Variants in TNC observed in about 807,000 individuals in gnomAD.
TNC encodes the protein tenascin.
In TNC, 109 loss-of-function variants were observed where a neutral mutation model predicts 202.4. That is an observed-to-expected ratio of 0.54 (90% CI 0.46 to 0.63). The LOEUF is 0.63. Ranked by LOEUF, TNC falls within the 30% of genes least tolerant of loss-of-function variation. TNC has a pLI of 0.00. For missense variants in TNC, 2,756 were observed against 2,833.3 expected (o/e 0.97, Z 0.62); for synonymous variants, 1,007 against 1,089.7 (o/e 0.92, Z 1.50).
intron 17 of TNC, among the ~76,000 whole-genome samples, chr9:115,045,185 T>C (rs1307748025): frequency 6.6e-6 from 1 of 152,178 alleles, no homozygotes; most frequent in African/African-American, 2.4e-5. Context: ...CCTGGTGATT[T>C]TGTGGTTCTG....
At chr9:115,098,938 ATTTT>A (rs35624621) in intron 1 of TNC, among the ~76,000 whole-genome samples, 1,484 of 127,330 alleles carry the variant, frequency 0.012, 29 homozygotes, top group African/African-American at 0.036. Flanking sequence ...TTAAGTGTGT[ATTTT>A]TTTTTTTTTT....
chr9:115,081,246 C>G (rs1191155866), intron 6 of TNC, among the ~76,000 whole-genome samples: 1 of 152,158 alleles, frequency 6.6e-6, no homozygotes, highest in Non-Finnish European at 1.5e-5. Flanking sequence ...TAATATTAAA[C>G]TAGTGACATG....
intron 1 of TNC, among the ~76,000 whole-genome samples, chr9:115,117,216 A>G (rs1837533586): frequency 6.6e-6 from 1 of 152,090 alleles, no homozygotes; most frequent in African/African-American, 2.4e-5. Flanking sequence ...GGTGAGAAGA[A>G]CCCCTGTGTT....
At chr9:115,107,097 T>C (rs572235415) in intron 1 of TNC, among the ~76,000 whole-genome samples, 2 of 152,240 alleles carry the variant, frequency 1.3e-5, no homozygotes, top group African/African-American at 4.8e-5. Flanking sequence ...TCTGCTTCAA[T>C]CTCTATATAC....
At chr9:115,057,446 G>A (rs1258339223) in intron 14 of TNC, 21 bp from the exon 15 acceptor site, 2 of 1,563,522 alleles carry the variant, frequency 1.3e-6, no homozygotes, top group African/African-American at 2.8e-5. Context: ...AAGGGGTAGG[G>A]GAGAAGAAAA....
intron 1 of TNC, among the ~76,000 whole-genome samples, chr9:115,091,777 C>G (rs1471519752): frequency 1.3e-5 from 2 of 152,236 alleles, no homozygotes; most frequent in African/African-American, 2.4e-5. Flanking sequence ...GAGCTTCTTA[C>G]TAGTTATATG....
At chr9:115,114,987 A>G (rs968284091) in intron 1 of TNC, 1 of 152,148 alleles carries the variant, frequency 6.6e-6, no homozygotes, top group African/African-American at 2.4e-5. Flanking sequence ...GAGCCAACTA[A>G]ATGTTTGCAA....
At chr9:115,066,219 A>G (rs1832941387) in intron 10 of TNC, among the ~76,000 whole-genome samples, 1 of 152,142 alleles carries the variant, frequency 6.6e-6, no homozygotes, top group Admixed American at 6.5e-5. Context: ...ATTCCGTAAA[A>G]ACTCACTGGT....
Position 115,090,862 on chromosome 9 carries a change from C to A in TNC, c.157G>T (p.Val53Phe). 6.2e-7 allele frequency: 1 copy of A among 1,614,210 alleles called. No individual in the cohort carries two copies. The highest frequency in any genetic ancestry group is 8.5e-7 in the Non-Finnish European group (1 of 1,180,042). ...EENQPVVFNHVYNIKLPVGSQ... is the reference protein window; with the variant it reads ...EENQPVVFNHFYNIKLPVGSQ... ...CCCACTGGCAGCTTGATGTTGTAAA[C>A]GTGGTTAAACACCACTGGCTGGTTC... The change falls in exon 2 of 28, where the codon GTT becomes TTT. Residue 53 changes from valine to phenylalanine, a missense_variant. Around this residue, in one of 2 missense-constraint regions of TNC, gnomAD observed 2,559 missense variants for 2,546.0 expected, o/e 1.01. Transcript: ENST00000350763.
At position 115,021,364 on chromosome 9, in the gene TNC, A is replaced by G. The variant is rs1273385324; in HGVS notation, c.6496-97T>C. 3.8e-6 allele frequency: 3 copies of G among 786,064 alleles called. No homozygotes were observed. In the African/African-American group the frequency reaches 5.2e-5, roughly 14 times the overall value. 48.7% of individuals were successfully genotyped at this position (786,064 alleles called of 1,614,324 possible). On this transcript the variant is annotated intron_variant, in intron 27 of 27. Transcript: ENST00000350763. The stretch of plus-strand genomic sequence containing the variant: ...GTTCACTGATCATTGCTATTTAGTC[A>G]TTCAAACTAAATGAGTTCTGTTTCA...
Position 115,059,905 on chromosome 9 carries a change from A to G in TNC, c.4131T>C (p.Phe1377=). The change falls in exon 14 of 28, where the codon TTT becomes TTC. Residue 1377 remains phenylalanine, a synonymous_variant. Coordinates refer to ENST00000350763, the MANE Select transcript of TNC (RefSeq NM_002160.4). The part of the protein sequence containing the change: ...WTAADNAYEH[F]VIQVQEVNKV... ...TGTTGACCTCCTGCACCTGAATGAC[A>G]AAGTGCTCATAGGCATTGTCAGCTG... 1 of 1,614,124 alleles carries G rather than the reference A, an allele frequency of 6.2e-7. No individual in the cohort carries two copies. The highest frequency in any genetic ancestry group is 8.5e-7 in the Non-Finnish European group (1 of 1,180,018).
chr9:115,094,548 G>T (rs1453234153), intron 1 of TNC, among the ~76,000 whole-genome samples: 1 of 152,180 alleles, frequency 6.6e-6, no homozygotes, highest in African/African-American at 2.4e-5. Context: ...GAAGAATCAT[G>T]TTCTGATAGT....
At position 115,064,006 on chromosome 9, in the gene TNC, T is replaced by G. The variant is rs552354417; in HGVS notation, c.3550A>C (p.Asn1184His). ...TAGGCCCCTTCTGGAGCAGTCCAGT[T>G]GAGTTTGAGGGCATCCCAGCCCACC... ...AEVGWDALKL[N>H]WTAPEGAYEY... Residue 1184 changes from asparagine (N) to histidine (H), a missense_variant, in exon 12 of 28, where the codon AAC becomes CAC. Coordinates refer to ENST00000350763, the MANE Select transcript of TNC (RefSeq NM_002160.4). 6.2e-7 allele frequency: 1 copy of G among 1,614,036 alleles called. No individual in the cohort carries two copies. Among genetic ancestry groups the G allele is most frequent in the Non-Finnish European group, 8.5e-7 (1 of 1,179,958 alleles).
At chr9:115,042,180 C>T in intron 18 of TNC, 39 bp downstream of exon 18, 2 of 1,601,512 alleles carry the variant, frequency 1.2e-6, no homozygotes, top group South Asian at 2.2e-5. Flanking sequence ...TCCAAACCCA[C>T]AACACTCCTC....
chr9:115,075,394 T>C (rs1282042920), intron 9 of TNC, among the ~76,000 whole-genome samples: 3 of 152,116 alleles, frequency 2.0e-5, no homozygotes, highest in Non-Finnish European at 4.4e-5. Flanking sequence ...AACCCCACAG[T>C]TGTGTTTGGA....
chr9:115,073,906 A>G (rs1283920075), intron 9 of TNC, 40 bp from the exon 10 acceptor site: 3 of 1,585,498 alleles, frequency 1.9e-6, no homozygotes, highest in South Asian at 1.1e-5. Flanking sequence ...TTCAGGCTGC[A>G]AGACAGGGCT....
chr9:115,064,078 G>A lies in TNC; in HGVS notation c.3488-10C>T. On this transcript the variant is annotated splice_polypyrimidine_tract_variant and intron_variant, in intron 11 of 27. Coordinates refer to ENST00000350763, the MANE Select transcript of TNC (RefSeq NM_002160.4). Reference sequence around the variant, plus strand: ...AAATTGGGAGTTTCCCCTGGAGAAGGACAAAGAACTAGTTTAGTGATCAAA... The same window carrying A: ...AAATTGGGAGTTTCCCCTGGAGAAGAACAAAGAACTAGTTTAGTGATCAAA... 2 of 1,596,176 alleles carry A rather than the reference G, an allele frequency of 1.3e-6. No individual in the cohort carries two copies. Among genetic ancestry groups the A allele is most frequent in the Middle Eastern group, 1.7e-4 (1 of 5,984 alleles).
At position 115,057,160 on chromosome 9, in the gene TNC, G is replaced by A; in HGVS notation, c.4572C>T (p.Ala1524=). The A allele has an allele frequency of 6.2e-7, 1 of 1,612,048 alleles. No homozygotes were observed. Among genetic ancestry groups the A allele is most frequent in the Non-Finnish European group, 8.5e-7 (1 of 1,178,748 alleles). The part of the protein sequence containing the change: ...SIRTKTISAT[A]TTEALPLLEN... ...GGGAGAATGCACATGTACCTGTCGT[G>A]GCTGTGGCACTGATGGTTTTGGTCC... Residue 1524 remains alanine, a synonymous_variant, in exon 15 of 28, where the codon GCC becomes GCT. Coordinates refer to ENST00000350763, the MANE Select transcript of TNC (RefSeq NM_002160.4).
In TNC at chr9:115,064,036, C is replaced by A; in HGVS notation, c.3520G>T (p.Ala1174Ser). 6.2e-7 allele frequency: 1 copy of A among 1,610,656 alleles called. No homozygotes were observed. Among genetic ancestry groups the A allele is most frequent in the Non-Finnish European group, 8.5e-7 (1 of 1,177,946 alleles). ...ETPNLGEVVV[A>S]EVGWDALKLN... The stretch of plus-strand genomic sequence containing the variant: ...TTGAGGGCATCCCAGCCCACCTCGG[C>A]CACCACGACCTCTCCCAAATTGGGA... Residue 1174 changes from alanine (A) to serine (S), a missense_variant, in exon 12 of 28, where the codon GCC (alanine) becomes TCC (serine). Ala to Ser is a moderately conservative substitution (Grantham distance 99). Coordinates refer to ENST00000350763, the MANE Select transcript of TNC (RefSeq NM_002160.4).
Sources: gnomAD v4.1 joint callset for allele counts (sites outside exome capture counted in the v4.1 genomes callset) on GRCh38, gnomAD v4.1.1 for gene constraint, gnomAD v4.1.1 regional missense constraint, MANE v1.5 for transcripts, NCBI Gene and HGNC (gene_info 2026-07-23, HGNC 2026-07-21) for gene names.